The following MCTP2 variants were observed in gnomAD, a reference collection of about 807,000 sequenced individuals.
MCTP2 encodes the protein multiple C2 and transmembrane domain containing 2.
In MCTP2, 132 loss-of-function variants were observed where a neutral mutation model predicts 111.6. That is an observed-to-expected ratio of 1.18 (90% confidence interval 1.03 to 1.37). The LOEUF is 1.37. Among genes scored for constraint, MCTP2 ranks in the 40% most tolerant of loss-of-function variants. The pLI, the probability that MCTP2 is intolerant of heterozygous loss-of-function variation, is 0.00. For synonymous variants in MCTP2, 395 were observed against 387.7 expected (o/e 1.02, Z -0.22); for missense variants, 1,183 against 1,067.9 (o/e 1.11, Z -1.50).
At chr15:94,399,839 C>T (rs1013486850) in intron 15 of MCTP2, 82 bp from the exon 16 acceptor site, 25 of 1,237,476 alleles carry the variant, frequency 2.0e-5, no homozygotes, top group East Asian at 9.3e-5. Flanking sequence ...TTGGTCTGCA[C>T]GATTTTCCCA....
chr15:94,247,788 G>A (rs1172770730), intron 1 of MCTP2, among the ~76,000 whole-genome samples: 1 of 152,122 alleles, frequency 6.6e-6, no homozygotes, highest in Non-Finnish European at 1.5e-5. Context: ...AAGCTCTTTA[G>A]GTTGATGAAC....
chr15:94,440,391 T>C, intron 18 of MCTP2, 93 bp downstream of exon 18: 2 of 1,532,586 alleles, frequency 1.3e-6, no homozygotes, highest in Non-Finnish European at 1.8e-6. Flanking sequence ...CAAGTCCATT[T>C]CGTTTGAGGT....
intron 1 of MCTP2, among the ~76,000 whole-genome samples, chr15:94,253,470 A>G (rs905284532): frequency 6.6e-6 from 1 of 152,168 alleles, no homozygotes; most frequent in Non-Finnish European, 1.5e-5. Context: ...TCAGCTTCTC[A>G]GTCCCTTCAT....
intron 10 of MCTP2, among the ~76,000 whole-genome samples, chr15:94,367,375 C>T (rs542245152): frequency 2.6e-5 from 4 of 152,212 alleles, no homozygotes; most frequent in East Asian, 1.9e-4. Flanking sequence ...TTCCATCTGC[C>T]GATGCTGCCT....
intron 19 of MCTP2, among the ~76,000 whole-genome samples, chr15:94,456,538 T>G (rs1206507914): frequency 6.6e-6 from 1 of 152,230 alleles, no homozygotes; most frequent in African/African-American, 2.4e-5. Context: ...TTTTCACCAT[T>G]GTGCCCATTA....
At chr15:94,355,974 C>T in intron 8 of MCTP2, 163 bp from the exon 9 acceptor site, 1 of 1,293,858 alleles carries the variant, frequency 7.7e-7, no homozygotes, top group Non-Finnish European at 9.8e-7. Context: ...AGTCACATAA[C>T]TGTGACAGCA....
chr15:94,375,718 A>G (rs2079734461), intron 12 of MCTP2, among the ~76,000 whole-genome samples: 1 of 152,196 alleles, frequency 6.6e-6, no homozygotes, highest in South Asian at 2.1e-4. Flanking sequence ...CCAAATTAGC[A>G]TAATCTCAAA....
intron 7 of MCTP2, chr15:94,341,222 T>C (rs931471734): frequency 4.8e-5 from 16 of 332,692 alleles, no homozygotes; most frequent in African/African-American, 8.5e-5. Flanking sequence ...AAGTTTTCCA[T>C]TGGGAGTTCT....
chr15:94,459,761 CTTGGTCTAAG>C (rs1417947136), intron 20 of MCTP2, among the ~76,000 whole-genome samples: 2 of 152,144 alleles, frequency 1.3e-5, no homozygotes, highest in Middle Eastern at 3.2e-3. Context: ...CAGACACTGA[CTTGGTCTAAG>C]TTGGTCTAAG....
At chr15:94,336,676 C>CATATAT (rs10644556) in intron 4 of MCTP2, among the ~76,000 whole-genome samples, 3,450 of 146,686 alleles carry the variant, frequency 0.024, 142 homozygotes, top group African/African-American at 0.081. Context: ...TTTTGCTTAG[C>CATATAT]ATATATATAT....
chr15:94,275,001 G>A (rs1596245391), intron 1 of MCTP2, among the ~76,000 whole-genome samples: 1 of 152,288 alleles, frequency 6.6e-6, no homozygotes, highest in African/African-American at 2.4e-5. Context: ...AGCAGTGAAA[G>A]GATGAGTAAA....
chr15:94,367,726 GTC>G lies in MCTP2; in HGVS notation c.1427_1428del (p.Ser476Ter), dbSNP rs2079270751. 1 of 1,608,828 alleles carries G rather than the reference GTC, an allele frequency of 6.2e-7. No individual in the cohort carries two copies. The highest frequency in any genetic ancestry group is 8.5e-7 in the Non-Finnish European group (1 of 1,177,886). On this transcript the variant is annotated frameshift_variant, in exon 11 of 23. Transcript: ENST00000357742. LOFTEE classifies it high-confidence loss of function. ...VTLTPCAGVS[V>X]SDLCVCPLAD... is the part of the protein sequence containing the mutation. The stretch of plus-strand genomic sequence containing the variant: ...ACTTACACCCTGTGCGGGGGTCTCC[GTC>G]TCTGATCTGTGTGTCTGCCCCTTAG...
At chr15:94,345,088 T>A in intron 7 of MCTP2, 41 bp from the exon 8 acceptor site, 1 of 1,608,894 alleles carries the variant, frequency 6.2e-7, no homozygotes. Context: ...TCCTCTGTTT[T>A]ATTTTGCCAT....
intron 1 of MCTP2, among the ~76,000 whole-genome samples, chr15:94,280,445 G>A (rs1240452296): frequency 2.0e-5 from 3 of 148,830 alleles, no homozygotes; most frequent in East Asian, 2.0e-4. Flanking sequence ...CTGTGGGGTC[G>A]TGGGTAACGT....
intron 1 of MCTP2, among the ~76,000 whole-genome samples, chr15:94,290,857 TA>T (rs2074998260): frequency 6.6e-6 from 1 of 152,232 alleles, no homozygotes; most frequent in Non-Finnish European, 1.5e-5. Flanking sequence ...GAAGAAGCTA[TA>T]ACAATCATAA....
At chr15:94,336,239 C>T (rs942920233) in intron 4 of MCTP2, among the ~76,000 whole-genome samples, 1 of 152,032 alleles carries the variant, frequency 6.6e-6, no homozygotes, top group African/African-American at 2.4e-5. Flanking sequence ...GAATGACCTT[C>T]TCTGCCTGTT....
At chr15:94,437,277 C>G (rs2083532674) in intron 17 of MCTP2, among the ~76,000 whole-genome samples, 1 of 149,990 alleles carries the variant, frequency 6.7e-6, no homozygotes, top group African/African-American at 2.5e-5. Flanking sequence ...ATCAGATCTA[C>G]AAAAGAATGT....
chr15:94,382,094 C>T (rs1442899203), intron 12 of MCTP2, among the ~76,000 whole-genome samples: 6 of 152,156 alleles, frequency 3.9e-5, no homozygotes, highest in East Asian at 1.9e-4. Context: ...AGACAGGCCC[C>T]GGAGGCCCTT....
intron 17 of MCTP2, among the ~76,000 whole-genome samples, chr15:94,430,393 T>TCACACACACACACACACACA (rs35129445): frequency 2.8e-5 from 3 of 107,198 alleles, no homozygotes; most frequent in Admixed American, 1.9e-4. Flanking sequence ...CCAAAAACAA[T>TCACACACACACACACACACA]CACACACACA....
Sources: allele counts gnomAD v4.1 joint callset (sites outside exome capture counted in the v4.1 genomes callset), GRCh38; gene constraint gnomAD v4.1.1; transcripts MANE v1.5; gene names NCBI Gene and HGNC (gene_info 2026-07-23, HGNC 2026-07-21).